The following FHIT variants were observed in gnomAD, a reference collection of about 807,000 sequenced individuals.
The protein encoded by FHIT is bis(5'-adenosyl)-triphosphatase.
In FHIT, 19 loss-of-function variants were observed where a neutral mutation model predicts 17.9. The ratio of observed to expected loss-of-function variants is 1.06; its 90% CI spans 0.74 to 1.56. The LOEUF is 1.56. FHIT is among the 40% of genes most tolerant of loss of function. The pLI is 0.00. For missense variants in FHIT, 248 were observed against 189.2 expected, an observed-to-expected ratio of 1.31 and a Z score of -1.82; for synonymous variants, 81 against 69.7, an observed-to-expected ratio of 1.16 and a Z score of -0.81.
At chr3:60,547,717 C>T (rs1367369110) in intron 4 of FHIT, among the ~76,000 whole-genome samples, 2 of 152,128 alleles carry the variant, frequency 1.3e-5, no homozygotes, top group African/African-American at 4.8e-5. Context: ...AGAGCTTTAT[C>T]TTTAAAATTT....
chr3:60,322,449 G>C (rs916970104), intron 5 of FHIT, among the ~76,000 whole-genome samples: 5 of 152,112 alleles, frequency 3.3e-5, no homozygotes, highest in African/African-American at 9.7e-5. Context: ...TTTGACCTTG[G>C]AGGCCATCTC....
chr3:60,324,269 C>A (rs1007604024), intron 5 of FHIT, among the ~76,000 whole-genome samples: 1 of 152,028 alleles, frequency 6.6e-6, no homozygotes, highest in African/African-American at 2.4e-5. Flanking sequence ...TTTTTAATGA[C>A]CACCCAGACT....
chr3:60,914,445 A>G (rs544430250), intron 3 of FHIT, among the ~76,000 whole-genome samples: 1 of 152,078 alleles, frequency 6.6e-6, no homozygotes, highest in East Asian at 1.9e-4. Context: ...ATGGAAGGGG[A>G]GGAGAATGGC....
intron 5 of FHIT, among the ~76,000 whole-genome samples, chr3:60,237,938 GT>G (rs1704895147): frequency 2.0e-5 from 3 of 151,622 alleles, no homozygotes; most frequent in African/African-American, 4.8e-5. Flanking sequence ...GAGTATGAGA[GT>G]AGCCTGGCCA....
chr3:60,848,791 AGTTAAAAT>A (rs1703028125), intron 3 of FHIT, among the ~76,000 whole-genome samples: 4 of 152,152 alleles, frequency 2.6e-5, no homozygotes, highest in Non-Finnish European at 2.9e-5. Flanking sequence ...TATTGTTATG[AGTTAAAAT>A]TTTGTATATA....
At chr3:61,120,812 T>C (rs1384247811) in intron 2 of FHIT, among the ~76,000 whole-genome samples, 1 of 152,034 alleles carries the variant, frequency 6.6e-6, no homozygotes, top group Non-Finnish European at 1.5e-5. Context: ...TAAAGGAGCA[T>C]GTTCTAATCC....
At chr3:60,376,931 G>C (rs1355675367) in intron 5 of FHIT, among the ~76,000 whole-genome samples, 1 of 152,118 alleles carries the variant, frequency 6.6e-6, no homozygotes, top group African/African-American at 2.4e-5. Context: ...AATTCAGTGG[G>C]AAATACAGTT....
chr3:60,773,802 A>C (rs1245988905), intron 4 of FHIT, among the ~76,000 whole-genome samples: 1 of 152,262 alleles, frequency 6.6e-6, no homozygotes, highest in South Asian at 2.1e-4. Flanking sequence ...GTGACTTATT[A>C]TAAGTTTAAT....
chr3:59,968,261 G>A (rs954162133), intron 7 of FHIT, among the ~76,000 whole-genome samples: 12 of 152,036 alleles, frequency 7.9e-5, no homozygotes, highest in Admixed American at 7.9e-4. Context: ...CACTCCAGGT[G>A]ATGAAATCAT....
At chr3:60,378,194 T>G (rs2107098820) in intron 5 of FHIT, among the ~76,000 whole-genome samples, 1 of 151,754 alleles carries the variant, frequency 6.6e-6, no homozygotes, top group South Asian at 2.1e-4. Context: ...GCCCGGCTAA[T>G]TTTTTGTATT....
At chr3:60,546,610 C>T (rs1010232619) in intron 4 of FHIT, among the ~76,000 whole-genome samples, 9 of 152,216 alleles carry the variant, frequency 5.9e-5, no homozygotes, top group African/African-American at 2.2e-4. Context: ...TTCTCACAGG[C>T]AGCTGTGGGC....
chr3:59,812,956 A>G (rs1184614751), intron 8 of FHIT, among the ~76,000 whole-genome samples: 1 of 152,150 alleles, frequency 6.6e-6, no homozygotes, highest in Non-Finnish European at 1.5e-5. Flanking sequence ...ACTTAAGTTC[A>G]CCAGCAGGGA....
intron 2 of FHIT, among the ~76,000 whole-genome samples, chr3:61,093,009 G>A (rs2035532676): frequency 6.6e-6 from 1 of 152,068 alleles, no homozygotes; most frequent in Non-Finnish European, 1.5e-5. Context: ...ATAAAGCCCA[G>A]GGCCCTGAGG....
chr3:59,976,668 A>C (rs1045940767), intron 7 of FHIT, among the ~76,000 whole-genome samples: 3 of 152,058 alleles, frequency 2.0e-5, no homozygotes, highest in African/African-American at 7.2e-5. Flanking sequence ...CTTGAAATCT[A>C]CCTAAATCAA....
chr3:59,762,303 G>T (rs1327655975), intron 8 of FHIT, among the ~76,000 whole-genome samples: 2 of 152,166 alleles, frequency 1.3e-5, no homozygotes, highest in African/African-American at 4.8e-5. Context: ...ACTGTGAAAA[G>T]TGAAACTGGA....
At chr3:60,106,272 T>C (rs1704406798) in intron 5 of FHIT, among the ~76,000 whole-genome samples, 1 of 152,158 alleles carries the variant, frequency 6.6e-6, no homozygotes, top group African/African-American at 2.4e-5. Flanking sequence ...TCCCAAAGTA[T>C]CTCTTTTAAG....
intron 5 of FHIT, among the ~76,000 whole-genome samples, chr3:60,504,192 T>G (rs2034633121): frequency 6.6e-6 from 1 of 152,162 alleles, no homozygotes; most frequent in Admixed American, 6.5e-5. Flanking sequence ...TCCCAGCACT[T>G]TGGGCGGCCG....
At chr3:60,250,371 T>C (rs1222869383) in intron 5 of FHIT, among the ~76,000 whole-genome samples, 1 of 152,216 alleles carries the variant, frequency 6.6e-6, no homozygotes, top group Non-Finnish European at 1.5e-5. Context: ...TTACCTCATA[T>C]ACTGACAATT....
At chr3:60,099,327 T>C (rs1355938523) in intron 5 of FHIT, among the ~76,000 whole-genome samples, 1 of 152,170 alleles carries the variant, frequency 6.6e-6, no homozygotes, top group Admixed American at 6.5e-5. Context: ...TAATAATGGC[T>C]AATTTGGTGT....
Sources: gnomAD v4.1 joint callset for allele counts (sites outside exome capture counted in the v4.1 genomes callset) on GRCh38, gnomAD v4.1.1 for gene constraint, MANE v1.5 for transcripts, NCBI Gene and HGNC (gene_info 2026-07-23, HGNC 2026-07-21) for gene names.